The following SLC5A4 variants were observed in gnomAD, a reference collection of about 807,000 sequenced individuals.
SLC5A4 encodes solute carrier family 5 member 4, also known as probable glucose sensor protein SLC5A4.
A neutral mutation model predicts 70.3 loss-of-function variants in SLC5A4; 55 were observed. That is an observed-to-expected ratio of 0.78 (90% confidence interval 0.63 to 0.98). The LOEUF is 0.98. Among genes scored for constraint, SLC5A4 ranks in the 50% least tolerant of loss-of-function variants. The pLI, the probability that SLC5A4 is intolerant of heterozygous loss-of-function variation, is 0.00. For synonymous variants in SLC5A4, 268 were observed against 305.7 expected (o/e 0.88, Z 1.29); for missense variants, 735 against 839.2 (o/e 0.88, Z 1.53).
At position 32,221,020 on chromosome 22, in the gene SLC5A4, C is replaced by G; in HGVS notation, c.1668G>C (p.Leu556=). 6.2e-7 allele frequency: 1 copy of G among 1,607,090 alleles called. No homozygotes were observed. The highest frequency in any genetic ancestry group is 8.5e-7 in the Non-Finnish European group (1 of 1,173,684). ...LLTKPIPDVH[L]YRLCWVLRNS... ...TCCGAAGAACCCAGCACAGGCGGTACAGCTGAACAGGGACCATACAAAAGT... is the reference window on the plus strand; with the variant it reads ...TCCGAAGAACCCAGCACAGGCGGTAGAGCTGAACAGGGACCATACAAAAGT... The change falls in exon 14 of 15, where the codon CTG becomes CTC. Residue 556 remains leucine (L), a splice_region_variant and synonymous_variant. Transcript: ENST00000266086.
At chr22:32,293,155 T>C in the SLC5A4 span, among the ~76,000 whole-genome samples, 1 of 152,194 alleles carries the variant, frequency 6.6e-6, no homozygotes, top group South Asian at 2.1e-4. Flanking sequence ...TACTTGCACT[T>C]ATTTTCTGTG....
At chr22:32,344,627 T>C in the SLC5A4 span, among the ~76,000 whole-genome samples, 1 of 152,178 alleles carries the variant, frequency 6.6e-6, no homozygotes, top group East Asian at 1.9e-4. Flanking sequence ...ATTGGCAGAT[T>C]TTAATATTCA....
chr22:32,297,558 G>T, the SLC5A4 span, among the ~76,000 whole-genome samples: 2 of 100,678 alleles, frequency 2.0e-5, no homozygotes, highest in Admixed American at 2.2e-4. Context: ...TTCTTTATTA[G>T]TCTTGCTAGC....
chr22:32,235,160 C>T, intron 7 of SLC5A4, 67 bp from the exon 8 acceptor site: 1 of 1,209,722 alleles, frequency 8.3e-7, no homozygotes, highest in Non-Finnish European at 1.2e-6. Flanking sequence ...TTTATGATGA[C>T]TACTTTTTGG....
chr22:32,262,646 C>CT, the SLC5A4 span, among the ~76,000 whole-genome samples: 658 of 152,150 alleles, frequency 4.3e-3, 5 homozygotes, highest in African/African-American at 0.015. Flanking sequence ...CTGCATGTTT[C>CT]TTTTTTTTGT....
the SLC5A4 span, among the ~76,000 whole-genome samples, chr22:32,260,508 C>CAA: frequency 0.099 from 12,370 of 124,434 alleles, 959 homozygotes; most frequent in African/African-American, 0.23. Flanking sequence ...ATTTTGGTGA[C>CAA]AAAAAAAAAA....
chr22:32,236,556 C>T (rs5994502), intron 7 of SLC5A4, among the ~76,000 whole-genome samples: 5,799 of 152,206 alleles, frequency 0.038, 156 homozygotes, highest in African/African-American at 0.074. Flanking sequence ...TTTTTTCCTA[C>T]TATTTAATCC....
the SLC5A4 span, among the ~76,000 whole-genome samples, chr22:32,322,465 A>G: frequency 5.3e-5 from 8 of 152,112 alleles, no homozygotes; most frequent in African/African-American, 1.9e-4. Flanking sequence ...CACACCTGTA[A>G]TCCCAGCTAC....
chr22:32,330,915 GT>G, the SLC5A4 span, among the ~76,000 whole-genome samples: 2 of 121,350 alleles, frequency 1.6e-5, no homozygotes, highest in Admixed American at 9.4e-5. Flanking sequence ...GTGTGTGTGT[GT>G]TGGAGGCCTC....
At chr22:32,323,475 C>A in the SLC5A4 span, among the ~76,000 whole-genome samples, 239 of 152,366 alleles carry the variant, frequency 1.6e-3, 2 homozygotes, top group African/African-American at 5.7e-3. Flanking sequence ...CCATCTCCAA[C>A]CTCCATGCTG....
At chr22:32,326,868 G>A in the SLC5A4 span, among the ~76,000 whole-genome samples, 55 of 152,270 alleles carry the variant, frequency 3.6e-4, no homozygotes, top group African/African-American at 1.2e-3. Flanking sequence ...AGCAGAGGTC[G>A]GAGAGATGTC....
upstream of SLC5A4, among the ~76,000 whole-genome samples, chr22:32,259,778 C>G (rs1042655491): frequency 6.6e-6 from 1 of 152,174 alleles, no homozygotes; most frequent in African/African-American, 2.4e-5. Context: ...GGTGTTAATT[C>G]TTCCTTAATT....
At chr22:32,224,066 G>A (rs764747021) in intron 13 of SLC5A4, among the ~76,000 whole-genome samples, 8 of 152,078 alleles carry the variant, frequency 5.3e-5, no homozygotes, top group Non-Finnish European at 1.0e-4. Context: ...GATTACAGGT[G>A]CCCACCACCA....
chr22:32,261,375 C>T, the SLC5A4 span, among the ~76,000 whole-genome samples: 1 of 152,232 alleles, frequency 6.6e-6, no homozygotes, highest in Admixed American at 6.5e-5. Flanking sequence ...TTTCTCTCTG[C>T]AGCCCCTAGA....
chr22:32,264,793 T>C, the SLC5A4 span, among the ~76,000 whole-genome samples: 258 of 152,360 alleles, frequency 1.7e-3, 2 homozygotes, highest in African/African-American at 6.1e-3. Flanking sequence ...CCACACTTTT[T>C]TTGTAGCCCT....
the SLC5A4 span, among the ~76,000 whole-genome samples, chr22:32,312,780 GATCTC>G: frequency 6.6e-6 from 1 of 152,000 alleles, no homozygotes; most frequent in African/African-American, 2.4e-5. Context: ...GGGTATTTCA[GATCTC>G]ATCTCCCCCA....
chr22:32,273,101 C>T, the SLC5A4 span: 2 of 485,140 alleles, frequency 4.1e-6, no homozygotes, highest in African/African-American at 2.0e-5. Context: ...GCGTCACTGC[C>T]CACTTCTAGC....
intron 6 of SLC5A4, among the ~76,000 whole-genome samples, chr22:32,237,667 G>C (rs1205358748): frequency 6.6e-6 from 1 of 152,152 alleles, no homozygotes; most frequent in African/African-American, 2.4e-5. Flanking sequence ...CAGTGCACCT[G>C]CTCTAAAATA....
At chr22:32,246,659 C>G (rs1044260046) in intron 5 of SLC5A4, among the ~76,000 whole-genome samples, 2 of 152,120 alleles carry the variant, frequency 1.3e-5, no homozygotes, top group African/African-American at 4.8e-5. Flanking sequence ...TCCTGAGTAG[C>G]TGGGATTACT....
Sources: allele counts gnomAD v4.1 joint callset (sites outside exome capture counted in the v4.1 genomes callset), GRCh38; gene constraint gnomAD v4.1.1; transcripts MANE v1.5; gene names NCBI Gene and HGNC (gene_info 2026-07-23, HGNC 2026-07-21).